The following CSMD3 variants were observed in gnomAD, a reference collection of about 807,000 sequenced individuals.
The protein encoded by CSMD3 is CUB and sushi domain-containing protein 3.
Under a neutral mutation model 435.2 loss-of-function variants are expected in CSMD3, and 177 were observed. That is an observed-to-expected ratio of 0.41 (90% CI 0.36 to 0.46). The LOEUF is 0.46. CSMD3 is among the 20% of genes least tolerant of loss of function. The probability of loss-of-function intolerance (pLI) is 0.34; values close to 1 mark genes in which losing one functional copy is unlikely to be tolerated. For synonymous variants in CSMD3, 1,656 were observed against 1,520.5 expected (o/e 1.09, Z -2.07); for missense variants, 4,265 against 4,504.6 (o/e 0.95, Z 1.52).
chr8:112,832,244 C>A (rs928612034), intron 11 of CSMD3, among the ~76,000 whole-genome samples: 1 of 152,118 alleles, frequency 6.6e-6, no homozygotes, highest in Non-Finnish European at 1.5e-5. Context: ...ATATTCTAAT[C>A]CCTCGGTGTA....
intron 24 of CSMD3, 59 bp downstream of exon 24, chr8:112,573,442 T>G: frequency 5.4e-6 from 7 of 1,288,726 alleles, no homozygotes; most frequent in South Asian, 1.2e-5. Context: ...GCAATGTAAT[T>G]ATTTAATATA....
Position 112,295,989 on chromosome 8 carries a change from G to C in CSMD3, c.8458C>G (p.Pro2820Ala), listed in dbSNP as rs761450823. The C allele has an allele frequency of 6.2e-7, 1 of 1,612,762 alleles. No individual in the cohort carries two copies. Among genetic ancestry groups the C allele is most frequent in the Non-Finnish European group, 8.5e-7 (1 of 1,179,020 alleles). ...ACTTGACCATTCACAATCAGTTCTG[G>C]AATTCCACAATGACCCGCTGAAATA... ...TRCLAGHCGI[P>A]ELIVNGQVIG... The change falls in exon 54 of 71, where the codon CCA becomes GCA. Residue 2820 changes from proline (P) to alanine (A), a missense_variant. Physicochemically the swap from Pro to Ala is conservative, Grantham distance 27. Transcript: ENST00000297405.
chr8:112,519,541 C>T (rs953644864), intron 27 of CSMD3, among the ~76,000 whole-genome samples: 2 of 152,070 alleles, frequency 1.3e-5, no homozygotes, highest in African/African-American at 2.4e-5. Context: ...AGACTGTACT[C>T]CTTAAATTAG....
intron 3 of CSMD3, among the ~76,000 whole-genome samples, chr8:113,227,208 T>G (rs934085010): frequency 2.0e-5 from 3 of 151,536 alleles, no homozygotes; most frequent in Non-Finnish European, 4.4e-5. Context: ...AGAAGCCTTG[T>G]AGAGGAGAAG....
chr8:113,295,552 T>C (rs192720213), intron 2 of CSMD3, among the ~76,000 whole-genome samples: 93 of 152,286 alleles, frequency 6.1e-4, no homozygotes, highest in African/African-American at 1.9e-3. Flanking sequence ...AATTTAGCAA[T>C]AGGCCGATTT....
intron 8 of CSMD3, among the ~76,000 whole-genome samples, chr8:112,948,624 T>G (rs1174278930): frequency 6.6e-6 from 1 of 152,072 alleles, no homozygotes; most frequent in Non-Finnish European, 1.5e-5. Flanking sequence ...TACTGAAATA[T>G]CTGAGTGATA....
rs149129403 is a variant in CSMD3, at chr8:113,336,889, G to T, written c.179-22096C>A. ...TCTTTCAAGCACCACCACAGTGAGG[G>T]TGTTGGAACACCTTCTTGTAGCCTG... On this transcript the variant is annotated intron_variant, in intron 1 of 70. Coordinates refer to ENST00000297405, the MANE Select transcript of CSMD3 (RefSeq NM_198123.2). Among the ~76,000 whole-genome samples, 7 of 152,214 alleles carry T rather than the reference G, an allele frequency of 4.6e-5. No individual in the cohort carries two copies. The East Asian group carries it at 1.4e-3, about 29-fold the overall frequency.
chr8:112,402,615 T>A (rs1831438453), intron 35 of CSMD3, among the ~76,000 whole-genome samples: 1 of 152,160 alleles, frequency 6.6e-6, no homozygotes, highest in African/African-American at 2.4e-5. Context: ...ATTGATATTT[T>A]CTGTCAATAC....
At chr8:113,281,278 C>CGACTTCA (rs1429070445) in intron 2 of CSMD3, among the ~76,000 whole-genome samples, 2 of 151,750 alleles carry the variant, frequency 1.3e-5, no homozygotes, top group African/African-American at 4.8e-5. Context: ...TGAAGTCCCC[C>CGACTTCA]ACTATTATTT....
Position 112,341,497 on chromosome 8 carries a change from C to G in CSMD3, c.6632G>C (p.Gly2211Ala), listed in dbSNP as rs768234281. 6.2e-7 allele frequency: 1 copy of G among 1,609,338 alleles called. No homozygotes were observed. Among genetic ancestry groups the G allele is most frequent in the Admixed American group, 1.7e-5 (1 of 59,920 alleles). The change falls in exon 42 of 71, where the codon GGG (glycine) becomes GCG (alanine). Residue 2211 changes from glycine to alanine, a missense_variant. Gly to Ala is a moderately conservative substitution (Grantham distance 60, BLOSUM62 0). Transcript: ENST00000297405. ...FHSDYSQNKQ[G>A]FHIVYQAYQL... is the part of the protein sequence containing the mutation. ...CTTACCTTGGTATACAATATGAAACCCTTGTTTGTTTTGTGAATAGTCACT... is the reference window on the plus strand; with the variant it reads ...CTTACCTTGGTATACAATATGAAACGCTTGTTTGTTTTGTGAATAGTCACT...
chr8:113,011,417 C>A (rs1461453859), intron 6 of CSMD3, among the ~76,000 whole-genome samples: 39 of 151,640 alleles, frequency 2.6e-4, no homozygotes, highest in Non-Finnish European at 5.9e-5. Context: ...TGTTTCACAG[C>A]AAAAATTTTA....
intron 36 of CSMD3, among the ~76,000 whole-genome samples, chr8:112,386,244 G>GA (rs1472571870): frequency 4.6e-5 from 7 of 151,900 alleles, no homozygotes; most frequent in Admixed American, 3.9e-4. Flanking sequence ...GCGCTATGAG[G>GA]AAAAAAATAA....
intron 32 of CSMD3, among the ~76,000 whole-genome samples, chr8:112,432,449 G>A (rs997599336): frequency 6.6e-6 from 1 of 152,028 alleles, no homozygotes; most frequent in Non-Finnish European, 1.5e-5. Context: ...GACCACAGGT[G>A]TGAGCCACCA....
intron 5 of CSMD3, among the ~76,000 whole-genome samples, chr8:113,055,820 TGTTA>T (rs2088308987): frequency 6.6e-6 from 1 of 152,180 alleles, no homozygotes; most frequent in Admixed American, 6.6e-5. Context: ...CATTTGGCAT[TGTTA>T]TTTATCAAGT....
intron 7 of CSMD3, among the ~76,000 whole-genome samples, chr8:112,975,019 G>T (rs2084794034): frequency 1.3e-5 from 2 of 151,018 alleles, no homozygotes; most frequent in Non-Finnish European, 3.0e-5. Context: ...TATAAATAAA[G>T]ACCTTTTATT....
At position 112,410,616 on chromosome 8, in the gene CSMD3, G is replaced by GTATATATATGTGTATATATATGTA. The variant is rs1586233111; in HGVS notation, c.5396-1608_5396-1585dup. 1.6e-4 allele frequency among the ~76,000 whole-genome samples: 11 copies of GTATATATATGTGTATATATATGTA among 67,584 alleles called. No homozygotes were observed. The East Asian group carries it at 1.8e-3, about 11-fold the overall frequency. 44.3% of individuals were successfully genotyped at this position (67,584 alleles called of 152,430 possible). On this transcript the variant is annotated intron_variant, in intron 32 of 70. Transcript: ENST00000297405. ...TATATATATATGTGTATATATATATGTATATATATGTGTATATATATGTAT... is the reference window on the plus strand; with the variant it reads ...TATATATATATGTGTATATATATATGTATATATATGTGTATATATATGTATATATATATGTGTATATATATGTAT...
intron 12 of CSMD3, among the ~76,000 whole-genome samples, chr8:112,817,812 T>C (rs1351632062): frequency 6.6e-6 from 1 of 152,160 alleles, no homozygotes; most frequent in Non-Finnish European, 1.5e-5. Context: ...TTTATCTATA[T>C]GGCAAATTTA....
At chr8:112,789,478 A>C (rs1436992128) in intron 13 of CSMD3, among the ~76,000 whole-genome samples, 3 of 152,080 alleles carry the variant, frequency 2.0e-5, no homozygotes, top group Non-Finnish European at 2.9e-5. Context: ...TATTTAAATA[A>C]ATGAGTTTTG....
At chr8:112,585,245 C>T (rs1830634121) in intron 23 of CSMD3, among the ~76,000 whole-genome samples, 1 of 151,366 alleles carries the variant, frequency 6.6e-6, no homozygotes, top group South Asian at 2.1e-4. Flanking sequence ...TGGTGTGTTT[C>T]TATTATAATA....
Sources: allele counts gnomAD v4.1 joint callset (sites outside exome capture counted in the v4.1 genomes callset), GRCh38; gene constraint gnomAD v4.1.1; transcripts MANE v1.5; gene names NCBI Gene and HGNC (gene_info 2026-07-23, HGNC 2026-07-21).